CNIH3: variants seen among roughly 807,000 people sequenced by gnomAD.
CNIH3 encodes the protein cornichon family AMPA receptor auxiliary protein 3.
CNIH3 carries 14 observed loss-of-function variants against 24.1 expected under a neutral mutation model. The observed-to-expected ratio is 0.58, with a 90% CI of 0.38 to 0.91. The LOEUF is 0.91. Ranked by LOEUF, CNIH3 falls within the 40% of genes least tolerant of loss-of-function variation. The pLI, the probability that CNIH3 is intolerant of heterozygous loss-of-function variation, is 0.00. For missense variants in CNIH3, 178 were observed against 196.8 expected (o/e 0.90, Z 0.57); for synonymous variants, 68 against 73.8 (o/e 0.92, Z 0.40).
intron 3 of CNIH3, among the ~76,000 whole-genome samples, chr1:224,688,781 C>A (rs537164060): frequency 6.6e-6 from 1 of 151,226 alleles, no homozygotes; most frequent in Non-Finnish European, 1.5e-5. Flanking sequence ...ACAAATTAGT[C>A]GGGCGTGGTG....
At chr1:224,726,423 A>C (rs1262643340) in intron 3 of CNIH3, among the ~76,000 whole-genome samples, 2 of 152,256 alleles carry the variant, frequency 1.3e-5, no homozygotes, top group African/African-American at 4.8e-5. Flanking sequence ...AATGTTTGCC[A>C]GCAAATGAAA....
chr1:224,567,223 T>G (rs1680617871), intron 4 of CNIH3, among the ~76,000 whole-genome samples: 2 of 152,240 alleles, frequency 1.3e-5, no homozygotes, highest in South Asian at 4.1e-4. Context: ...TTGTTTGTTT[T>G]TTTCTTGTAA....
At chr1:224,571,554 G>A (rs1162342075) in intron 4 of CNIH3, among the ~76,000 whole-genome samples, 1 of 151,848 alleles carries the variant, frequency 6.6e-6, no homozygotes, top group East Asian at 1.9e-4. Flanking sequence ...ATGAAACCCC[G>A]TCTCTACTAA....
intron 3 of CNIH3, among the ~76,000 whole-genome samples, chr1:224,595,393 C>T (rs753174531): frequency 6.6e-6 from 1 of 152,166 alleles, no homozygotes; most frequent in Non-Finnish European, 1.5e-5. Flanking sequence ...TTTGGGGCAC[C>T]ACAAATTGTG....
At chr1:224,590,526 A>G (rs952423028), downstream of CNIH3, among the ~76,000 whole-genome samples, 2 of 152,172 alleles carry the variant, frequency 1.3e-5, no homozygotes, top group African/African-American at 4.8e-5. Flanking sequence ...GTCCCAGAGC[A>G]TAGCACCAGC....
chr1:224,688,551 A>C (rs1686771587), intron 3 of CNIH3, among the ~76,000 whole-genome samples: 1 of 152,142 alleles, frequency 6.6e-6, no homozygotes, highest in South Asian at 2.1e-4. Flanking sequence ...CTGTCATCTA[A>C]ATCCTTCTTC....
intron 4 of CNIH3, chr1:224,575,064 G>A: frequency 2.3e-6 from 2 of 873,010 alleles, no homozygotes; most frequent in South Asian, 2.6e-5. Context: ...CATGGTGACT[G>A]CCTACAGCTC....
At chr1:224,577,204 G>C (rs1041669342) in intron 4 of CNIH3, among the ~76,000 whole-genome samples, 2 of 152,006 alleles carry the variant, frequency 1.3e-5, no homozygotes, top group African/African-American at 4.8e-5. Context: ...AAGATAAATA[G>C]ATGGGACCTA....
intron 3 of CNIH3, among the ~76,000 whole-genome samples, chr1:224,705,850 C>CTTTTTTCTTTTT (rs1687762236): frequency 6.7e-5 from 6 of 90,198 alleles, no homozygotes; most frequent in Non-Finnish European, 1.4e-4. Context: ...TCTTTCTTTT[C>CTTTTTTCTTTTT]TTTTTTTTCT....
intron 1 of CNIH3, among the ~76,000 whole-genome samples, chr1:224,679,229 A>G (rs2125141370): frequency 6.6e-6 from 1 of 151,958 alleles, no homozygotes; most frequent in African/African-American, 2.4e-5. Context: ...AATCCTAGCT[A>G]CTCGAGAAGC....
intron 1 of CNIH3, among the ~76,000 whole-genome samples, chr1:224,482,184 T>C (rs1490771005): frequency 6.6e-6 from 1 of 152,148 alleles, no homozygotes; most frequent in East Asian, 1.9e-4. Context: ...GTTCAAGAAC[T>C]GAAGTTTGGA....
At chr1:224,490,786 T>C (rs1277850497) in intron 1 of CNIH3, among the ~76,000 whole-genome samples, 3 of 152,176 alleles carry the variant, frequency 2.0e-5, no homozygotes, top group Non-Finnish European at 1.5e-5. Context: ...AACTGAGCAA[T>C]GAATGATTTG....
intron 1 of CNIH3, among the ~76,000 whole-genome samples, chr1:224,449,530 G>A (rs562511011): frequency 2.6e-5 from 4 of 151,412 alleles, no homozygotes; most frequent in South Asian, 4.2e-4. Context: ...GGGTCTTGCC[G>A]TGTCACCCAG....
At chr1:224,587,869 A>G (rs1681576920) in intron 5 of CNIH3, among the ~76,000 whole-genome samples, 1 of 151,918 alleles carries the variant, frequency 6.6e-6, no homozygotes, top group Admixed American at 6.6e-5. Flanking sequence ...TTGAGCCAGG[A>G]GGTCAAGGCC....
chr1:224,655,849 A>G (rs1685071674), intron 1 of CNIH3, among the ~76,000 whole-genome samples: 1 of 152,186 alleles, frequency 6.6e-6, no homozygotes, highest in Non-Finnish European at 1.5e-5. Flanking sequence ...GTAACTATGC[A>G]TGGGAAAGCA....
At chr1:224,501,530 T>C (rs867536935) in intron 1 of CNIH3, among the ~76,000 whole-genome samples, 9,649 of 149,412 alleles carry the variant, frequency 0.065, 1,003 homozygotes, top group African/African-American at 0.21. Context: ...TATATATTTT[T>C]TTTTTTTAAC....
intron 4 of CNIH3, among the ~76,000 whole-genome samples, chr1:224,582,247 TA>T (rs1204383383): frequency 6.6e-6 from 1 of 152,218 alleles, no homozygotes; most frequent in Non-Finnish European, 1.5e-5. Context: ...AACTGCTATT[TA>T]TAGTCCATAG....
In CNIH3 at chr1:224,724,564, C is replaced by G. The variant is rs1688917485; in HGVS notation, c.199-5898C>G. On this transcript the variant is annotated intron_variant, in intron 3 of 5. Transcript: ENST00000272133. ...CCAGAGGGATCCTCTGTTTTAGGGC[C>G]AGTTTAGTATGGGCTGAGGAATCAA... 2.6e-5 allele frequency among the ~76,000 whole-genome samples: 4 copies of G among 152,204 alleles called. No individual in the cohort carries two copies. In the South Asian group the frequency reaches 8.3e-4, roughly 32 times the overall value.
chr1:224,599,154 G>T lies in CNIH3; in HGVS notation n.402+32890G>T, dbSNP rs561755762. ...CCAATTTTAGTTGTTTAAAAAAACC[G>T]CCACCCTTTATTTGCTTATAATTCT... is the stretch of plus-strand genomic sequence containing the variant. On this transcript the variant is annotated intron_variant and non_coding_transcript_variant, in intron 3 of 7. Transcript: ENST00000478120. Among the ~76,000 whole-genome samples, 11 of 152,170 alleles carry T rather than the reference G, an allele frequency of 7.2e-5. No individual in the cohort carries two copies. The South Asian group carries it at 2.3e-3, about 32-fold the overall frequency.
Sources: allele counts gnomAD v4.1 joint callset (sites outside exome capture counted in the v4.1 genomes callset), GRCh38; gene constraint gnomAD v4.1.1; transcripts MANE v1.5; gene names NCBI Gene and HGNC (gene_info 2026-07-23, HGNC 2026-07-21).